DENND5A: variants seen among roughly 807,000 people sequenced by gnomAD.
The protein encoded by DENND5A is DENN domain containing 5A.
A neutral mutation model predicts 140.3 loss-of-function variants in DENND5A; 64 were observed. The ratio of observed to expected loss-of-function variants is 0.46; its 90% CI spans 0.37 to 0.56. The LOEUF is 0.56. Among genes scored for constraint, DENND5A ranks in the 20% least tolerant of loss-of-function variants. The pLI is 0.00. For missense variants in DENND5A, 1,292 were observed against 1,593.8 expected (o/e 0.81, Z 3.22); for synonymous variants, 605 against 607.7 (o/e 1.00, Z 0.07).
chr11:9,141,789 A>G (rs1032492156), intron 22 of DENND5A, 151 bp downstream of exon 22: 7 of 594,518 alleles, frequency 1.2e-5, no homozygotes, highest in Non-Finnish European at 1.9e-5. Flanking sequence ...CACGATACAC[A>G]GAGGAAATTC....
At chr11:9,264,917 G>C in intron 1 of DENND5A, 44 bp downstream of exon 1, 1 of 1,473,350 alleles carries the variant, frequency 6.8e-7, no homozygotes. Flanking sequence ...GGTCCCCGAC[G>C]ACAGCGGGCG....
chr11:9,159,530 C>T (rs1847913445), intron 12 of DENND5A, among the ~76,000 whole-genome samples: 1 of 152,122 alleles, frequency 6.6e-6, no homozygotes, highest in South Asian at 2.1e-4. Context: ...GTTGATCAAG[C>T]TGGTCTCAAA....
At position 9,231,288 on chromosome 11, in the gene DENND5A, C is replaced by T. The variant is rs145932677; in HGVS notation, c.110-23656G>A. ...TATCTGTTTCACAGAATGTATACCA[C>T]GGCAGAGCCCACAGCAGCAAACGTG... On this transcript the variant is annotated intron_variant, in intron 1 of 22. Coordinates refer to ENST00000328194, the MANE Select transcript of DENND5A (RefSeq NM_015213.4). 2.2e-3 allele frequency among the ~76,000 whole-genome samples: 340 copies of T among 152,316 alleles called. 1 individual carries two copies. The highest frequency in any genetic ancestry group is 7.8e-3 in the African/African-American group (325 of 41,562).
At chr11:9,204,731 T>C (rs1226178471) in intron 3 of DENND5A, among the ~76,000 whole-genome samples, 1 of 152,154 alleles carries the variant, frequency 6.6e-6, no homozygotes, top group Non-Finnish European at 1.5e-5. Flanking sequence ...GGTGTGCTGG[T>C]GCACGCCTAT....
At chr11:9,189,146 C>G (rs7934585) in intron 5 of DENND5A, among the ~76,000 whole-genome samples, 1,572 of 152,334 alleles carry the variant, frequency 0.01, 25 homozygotes, top group African/African-American at 0.035. Flanking sequence ...GGGGCTATCA[C>G]AGAGCTCAGG....
Position 9,142,735 on chromosome 11 carries a change from A to G in DENND5A, c.3498T>C (p.Ile1166=), listed in dbSNP as rs373302938. The change falls in exon 21 of 23, where the codon ATT becomes ATC. Residue 1166 remains isoleucine, a synonymous_variant. Transcript: ENST00000328194. The part of the protein sequence containing the change: ...KSPRLFKNVF[I]WDFLEKAQTY... ...AGCTCAACTCACCCAGGAAATCCCA[A>G]ATGAAGACATTTTTGAAGAGCCGGG... is the stretch of plus-strand genomic sequence containing the variant. 1.2e-6 allele frequency: 2 copies of G among 1,614,000 alleles called. No individual in the cohort carries two copies. Among genetic ancestry groups the G allele is most frequent in the African/African-American group, 1.3e-5 (1 of 74,910 alleles).
At chr11:9,202,287 CG>C (rs1018017854) in intron 4 of DENND5A, among the ~76,000 whole-genome samples, 16 of 152,166 alleles carry the variant, frequency 1.1e-4, no homozygotes, top group Admixed American at 5.9e-4. Flanking sequence ...CAGACATTAT[CG>C]GGTACCAGAG....
intron 22 of DENND5A, among the ~76,000 whole-genome samples, chr11:9,140,995 G>A (rs529343937): frequency 6.6e-6 from 1 of 152,168 alleles, no homozygotes; most frequent in East Asian, 1.9e-4. Flanking sequence ...GCGTGATGGC[G>A]CATGCCTGTA....
chr11:9,203,506 C>T, intron 4 of DENND5A, 154 bp downstream of exon 4: 1 of 748,318 alleles, frequency 1.3e-6, no homozygotes, highest in Non-Finnish European at 2.1e-6. Flanking sequence ...CCTCTCATGT[C>T]TATCAATTTG....
rs779522112 is a variant in DENND5A at position 9,164,194 on chromosome 11, A to ATTTT, written c.2283+1638_2283+1641dup. 1.0e-3 allele frequency among the ~76,000 whole-genome samples: 81 copies of ATTTT among 79,058 alleles called. 7 individuals carry two copies. Among genetic ancestry groups the ATTTT allele is most frequent in the East Asian group, 1.4e-3 (2 of 1,386 alleles). The allele number at this position is 79,058 out of a possible 152,430, so 51.9% of individuals were successfully genotyped here. A position where few individuals can be genotyped will look rare whatever the true frequency, so the allele number is the denominator to read the frequency against. On this transcript the variant is annotated intron_variant, in intron 11 of 22. Coordinates refer to ENST00000328194, the MANE Select transcript of DENND5A (RefSeq NM_015213.4). ...CTAAAGGTGTGCACCACCACGCCTA[A>ATTTT]TTTTTTTTTTTTTTTTTTTTTTTTT...
chr11:9,160,372 T>C (rs372826368), intron 12 of DENND5A, among the ~76,000 whole-genome samples: 4 of 152,328 alleles, frequency 2.6e-5, no homozygotes, highest in Admixed American at 6.5e-5. Context: ...GAACCTTTAG[T>C]GTATGACTGG....
At chr11:9,208,486 C>A (rs1001320143) in intron 1 of DENND5A, among the ~76,000 whole-genome samples, 2 of 152,184 alleles carry the variant, frequency 1.3e-5, no homozygotes, top group Admixed American at 1.3e-4. Flanking sequence ...TACCCTAAAT[C>A]AATCCCAAAG....
chr11:9,244,841 T>C (rs1212007753), intron 1 of DENND5A, among the ~76,000 whole-genome samples: 1 of 151,916 alleles, frequency 6.6e-6, no homozygotes, highest in Non-Finnish European at 1.5e-5. Flanking sequence ...AGAAAGCTAA[T>C]GTTTGTATCT....
intron 1 of DENND5A, among the ~76,000 whole-genome samples, chr11:9,263,686 C>CA (rs1437461346): frequency 1.4e-5 from 2 of 145,680 alleles, no homozygotes; most frequent in African/African-American, 2.5e-5. Flanking sequence ...ACTAAAAATA[C>CA]AAAAAATTAG....
chr11:9,236,367 A>G (rs867532493), intron 1 of DENND5A, among the ~76,000 whole-genome samples: 16 of 151,992 alleles, frequency 1.1e-4, no homozygotes, highest in Non-Finnish European at 2.1e-4. Context: ...CCCTGTCTCT[A>G]CTAAAAATGC....
At chr11:9,182,769 G>C (rs1411823062) in intron 5 of DENND5A, among the ~76,000 whole-genome samples, 1 of 152,176 alleles carries the variant, frequency 6.6e-6, no homozygotes, top group Non-Finnish European at 1.5e-5. Context: ...GGGTGGCAAG[G>C]AGGAGGAATA....
At chr11:9,178,401 G>C in intron 7 of DENND5A, 35 bp from the exon 8 acceptor site, 2 of 1,360,368 alleles carry the variant, frequency 1.5e-6, no homozygotes, top group Non-Finnish European at 1.0e-6. Context: ...AATTGACAGG[G>C]AAAAGGGTAA....
chr11:9,208,795 G>A (rs989290321), intron 1 of DENND5A, among the ~76,000 whole-genome samples: 6 of 150,902 alleles, frequency 4.0e-5, no homozygotes, highest in African/African-American at 9.8e-5. Context: ...AGTAAATTTC[G>A]TCCCTCAAAA....
At chr11:9,152,696 G>A (rs1047101591) in intron 12 of DENND5A, among the ~76,000 whole-genome samples, 2 of 152,068 alleles carry the variant, frequency 1.3e-5, no homozygotes, top group South Asian at 4.1e-4. Flanking sequence ...CCTGGTAAGG[G>A]ACCAGTGGAT....
Sources: gnomAD v4.1 joint callset for allele counts (sites outside exome capture counted in the v4.1 genomes callset) on GRCh38, gnomAD v4.1.1 for gene constraint, MANE v1.5 for transcripts, NCBI Gene and HGNC (gene_info 2026-07-23, HGNC 2026-07-21) for gene names.